Variants in ZNF609 observed in about 807,000 individuals in gnomAD.
ZNF609 encodes zinc finger protein 609.
A neutral mutation model predicts 109.5 loss-of-function variants in ZNF609; 11 were observed. That is an observed-to-expected ratio of 0.10 (90% CI 0.06 to 0.17). The LOEUF (loss-of-function observed/expected upper bound fraction) is 0.17, where lower values mean the gene tolerates loss of function less well. ZNF609 is among the 10% of genes least tolerant of loss of function. The probability of loss-of-function intolerance (pLI) is 1.00; values close to 1 mark genes in which losing one functional copy is unlikely to be tolerated. For missense variants in ZNF609, 1,559 were observed against 1,772.4 expected, an observed-to-expected ratio of 0.88 and a Z score of 2.16; for synonymous variants, 646 against 662.0, an observed-to-expected ratio of 0.98 and a Z score of 0.37.
intron 2 of ZNF609, among the ~76,000 whole-genome samples, chr15:64,591,273 C>A (rs1018031894): frequency 6.6e-6 from 1 of 152,056 alleles, no homozygotes; most frequent in Non-Finnish European, 1.5e-5. Context: ...ACTAAAAATA[C>A]AAAAATTAGC....
chr15:64,575,338 C>T (rs903674819), intron 2 of ZNF609, among the ~76,000 whole-genome samples: 1 of 151,890 alleles, frequency 6.6e-6, no homozygotes, highest in Non-Finnish European at 1.5e-5. Context: ...GCAGGAAAAT[C>T]ACTTGAACCT....
chr15:64,533,494 A>G (rs1894092755), intron 2 of ZNF609, among the ~76,000 whole-genome samples: 4 of 152,304 alleles, frequency 2.6e-5, no homozygotes, highest in Middle Eastern at 3.4e-3. Flanking sequence ...TTTCTGTTGC[A>G]TGCTTATTAT....
chr15:64,527,394 G>A (rs1893982776), intron 2 of ZNF609, among the ~76,000 whole-genome samples: 1 of 150,470 alleles, frequency 6.6e-6, no homozygotes, highest in East Asian at 1.9e-4. Context: ...TATTTTCAGA[G>A]TTCAGTATAT....
intron 2 of ZNF609, among the ~76,000 whole-genome samples, chr15:64,581,088 C>T (rs1311502508): frequency 6.7e-6 from 1 of 148,928 alleles, no homozygotes; most frequent in South Asian, 2.2e-4. Context: ...TTCACAGTTA[C>T]ACTCATAGCA....
chr15:64,553,180 T>C (rs1237896127), intron 2 of ZNF609, among the ~76,000 whole-genome samples: 1 of 152,108 alleles, frequency 6.6e-6, no homozygotes, highest in Non-Finnish European at 1.5e-5. Context: ...AGTCATATGA[T>C]TTAAATCTTT....
chr15:64,675,460 A>AGTT lies in ZNF609; in HGVS notation c.2608_2610dup (p.Leu870dup). 1 of 1,614,192 alleles carries AGTT rather than the reference A, an allele frequency of 6.2e-7. No individual in the cohort carries two copies. The highest frequency in any genetic ancestry group is 8.5e-7 in the Non-Finnish European group (1 of 1,180,052). On this transcript the variant is annotated inframe_insertion, in exon 5 of 10. Transcript: ENST00000326648. ...AGTGTCAAATCAAAGGACGCCGAACAGTTGGTTAAAGAAGGGGCTAAGAAA... is the reference window on the plus strand; with the variant it reads ...AGTGTCAAATCAAAGGACGCCGAACAGTTGTTGGTTAAAGAAGGGGCTAAGAAA...
chr15:64,667,588 C>T (rs1053357312), intron 3 of ZNF609, among the ~76,000 whole-genome samples: 2 of 151,688 alleles, frequency 1.3e-5, no homozygotes, highest in African/African-American at 4.8e-5. Context: ...TGGCACCTGC[C>T]GTAATCCCAG....
chr15:64,614,912 G>A (rs547339220), intron 2 of ZNF609, among the ~76,000 whole-genome samples: 93 of 148,996 alleles, frequency 6.2e-4, no homozygotes, highest in African/African-American at 2.2e-3. Flanking sequence ...TCTGCCTCCC[G>A]GGTTCAAGGG....
intron 3 of ZNF609, among the ~76,000 whole-genome samples, chr15:64,624,221 G>A (rs950604444): frequency 6.6e-6 from 1 of 152,166 alleles, no homozygotes; most frequent in Non-Finnish European, 1.5e-5. Context: ...GTTTTATTGT[G>A]TGCCTGAGTG....
intron 2 of ZNF609, among the ~76,000 whole-genome samples, chr15:64,591,958 C>T (rs936671443): frequency 5.9e-5 from 9 of 152,078 alleles, no homozygotes; most frequent in Non-Finnish European, 1.2e-4. Context: ...ATCCGCCCGC[C>T]TTGGCCTCCC....
chr15:64,581,039 G>A (rs887417816), intron 2 of ZNF609, among the ~76,000 whole-genome samples: 14 of 147,022 alleles, frequency 9.5e-5, no homozygotes, highest in Non-Finnish European at 1.8e-4. Context: ...TTTTAGAGAC[G>A]GGGGTCTCAC....
chr15:64,531,987 T>C (rs781473692), intron 2 of ZNF609, among the ~76,000 whole-genome samples: 4 of 152,182 alleles, frequency 2.6e-5, no homozygotes, highest in Non-Finnish European at 5.9e-5. Flanking sequence ...AAGTCAATGA[T>C]CCACATGATC....
intron 3 of ZNF609, among the ~76,000 whole-genome samples, chr15:64,638,787 T>C (rs1223068461): frequency 1.3e-5 from 2 of 152,122 alleles, no homozygotes; most frequent in East Asian, 3.9e-4. Context: ...CTCAGCTACT[T>C]GGAAGGCTGA....
chr15:64,500,250 T>C, intron 2 of ZNF609, 84 bp downstream of exon 2: 1 of 1,536,120 alleles, frequency 6.5e-7, no homozygotes, highest in Admixed American at 1.9e-5. Context: ...GTGTACTCTG[T>C]GGGAGGCTCA....
At chr15:64,560,998 C>T (rs1595718675) in intron 2 of ZNF609, among the ~76,000 whole-genome samples, 1 of 152,008 alleles carries the variant, frequency 6.6e-6, no homozygotes, top group East Asian at 1.9e-4. Flanking sequence ...TTACCAAGGC[C>T]CCAAATTTCT....
intron 1 of ZNF609, among the ~76,000 whole-genome samples, chr15:64,473,188 G>GTTCTTTTT (rs1893114818): frequency 8.0e-6 from 1 of 124,290 alleles, no homozygotes; most frequent in South Asian, 2.4e-4. Flanking sequence ...CTCATATTTG[G>GTTCTTTTT]TTCTTTTTTT....
chr15:64,555,904 A>G (rs1357871622), intron 2 of ZNF609, among the ~76,000 whole-genome samples: 24 of 148,950 alleles, frequency 1.6e-4, no homozygotes, highest in African/African-American at 5.1e-4. Flanking sequence ...AAAAAAAAAA[A>G]AAAAAAAGAA....
chr15:64,585,756 G>A (rs1021447161), intron 2 of ZNF609, among the ~76,000 whole-genome samples: 1 of 152,196 alleles, frequency 6.6e-6, no homozygotes, highest in African/African-American at 2.4e-5. Context: ...AGCATTCTGC[G>A]TAATAAAATT....
At chr15:64,521,421 G>T (rs1378315515) in intron 2 of ZNF609, among the ~76,000 whole-genome samples, 1 of 152,170 alleles carries the variant, frequency 6.6e-6, no homozygotes, top group Non-Finnish European at 1.5e-5. Context: ...CTTGGACCTG[G>T]TCTCTGGGGT....
Sources: allele counts gnomAD v4.1 joint callset (sites outside exome capture counted in the v4.1 genomes callset), GRCh38; gene constraint gnomAD v4.1.1; transcripts MANE v1.5; gene names NCBI Gene and HGNC (gene_info 2026-07-23, HGNC 2026-07-21).